Variants in CAST observed in about 807,000 individuals in gnomAD.
CAST encodes calpastatin.
Under a neutral mutation model 119.6 loss-of-function variants are expected in CAST, and 76 were observed. The observed-to-expected ratio is 0.64, with a 90% CI of 0.53 to 0.77. CAST has a LOEUF of 0.77. CAST is among the 30% of genes least tolerant of loss of function. The pLI is 0.00. For synonymous variants in CAST, 319 were observed against 331.6 expected (o/e 0.96, Z 0.41); for missense variants, 953 against 946.5 (o/e 1.01, Z -0.09).
chr5:96,752,889 A>G (rs1238458356), intron 20 of CAST, among the ~76,000 whole-genome samples: 1 of 151,334 alleles, frequency 6.6e-6, no homozygotes, highest in African/African-American at 2.4e-5. Context: ...TGATATTGCA[A>G]CCCCATCCCC....
At chr5:96,281,526 G>C in the CAST span, among the ~76,000 whole-genome samples, 6 of 152,066 alleles carry the variant, frequency 3.9e-5, no homozygotes, top group African/African-American at 1.5e-4. Context: ...CTCACATAAG[G>C]GTCTAGTTGT....
At chr5:96,033,478 G>A in the CAST span, among the ~76,000 whole-genome samples, 1 of 151,930 alleles carries the variant, frequency 6.6e-6, no homozygotes, top group Non-Finnish European at 1.5e-5. Flanking sequence ...TGGAATAGAA[G>A]GCCCCCAAGT....
the CAST span, among the ~76,000 whole-genome samples, chr5:96,037,954 A>G: frequency 6.6e-6 from 1 of 152,136 alleles, no homozygotes. Context: ...TCACATGACT[A>G]TCTTCAGATT....
the CAST span, among the ~76,000 whole-genome samples, chr5:96,320,052 G>A: frequency 2.6e-5 from 4 of 151,346 alleles, no homozygotes; most frequent in African/African-American, 4.8e-5. Flanking sequence ...GAGATCTGTT[G>A]AATCCCTGTG....
At chr5:96,499,375 T>C in the CAST span, among the ~76,000 whole-genome samples, 1 of 152,260 alleles carries the variant, frequency 6.6e-6, no homozygotes, top group African/African-American at 2.4e-5. Flanking sequence ...ATATTTGCAC[T>C]ATAGTGTAGT....
chr5:96,506,277 T>A, the CAST span, among the ~76,000 whole-genome samples: 23 of 152,224 alleles, frequency 1.5e-4, no homozygotes, highest in African/African-American at 4.8e-4. Context: ...CTTGGTTCAT[T>A]TGTTCAATCT....
intron 3 of CAST, among the ~76,000 whole-genome samples, chr5:96,716,539 G>GGGATGT (rs1757218033): frequency 6.6e-6 from 1 of 152,140 alleles, no homozygotes; most frequent in Non-Finnish European, 1.5e-5. Flanking sequence ...GATGGGGATG[G>GGGATGT]GTGGCAACTC....
chr5:96,072,044 G>A, the CAST span, among the ~76,000 whole-genome samples: 2 of 152,080 alleles, frequency 1.3e-5, no homozygotes, highest in South Asian at 4.2e-4. Context: ...GATTAGAAAA[G>A]AAAACTTAAA....
chr5:96,365,386 T>C, the CAST span, among the ~76,000 whole-genome samples: 1 of 152,178 alleles, frequency 6.6e-6, no homozygotes, highest in Non-Finnish European at 1.5e-5. Flanking sequence ...CCTTGTTAAC[T>C]TTCTGTCTCG....
the CAST span, among the ~76,000 whole-genome samples, chr5:96,244,476 A>C: frequency 6.6e-6 from 1 of 152,232 alleles, no homozygotes. Context: ...TTATGGAAAT[A>C]AATAGCTGTT....
the CAST span, among the ~76,000 whole-genome samples, chr5:96,494,679 A>G: frequency 4.6e-5 from 7 of 152,236 alleles, no homozygotes; most frequent in Non-Finnish European, 1.0e-4. Context: ...AAATGAACTA[A>G]GTCTGGCAAG....
intron 16 of CAST, chr5:96,743,569 G>C: frequency 6.3e-7 from 1 of 1,585,350 alleles, no homozygotes; most frequent in Non-Finnish European, 8.6e-7. Context: ...CATCAGGGAA[G>C]GGGAGTCTCC....
At chr5:96,051,200 G>A in the CAST span, among the ~76,000 whole-genome samples, 7 of 151,014 alleles carry the variant, frequency 4.6e-5, no homozygotes, top group African/African-American at 9.7e-5. Flanking sequence ...TCATTCAGGC[G>A]TGTGTGTGTG....
At chr5:96,601,554 A>C (rs1048644300) in intron 1 of CAST, among the ~76,000 whole-genome samples, 80 of 152,378 alleles carry the variant, frequency 5.3e-4, no homozygotes, top group African/African-American at 1.8e-3. Flanking sequence ...AAATTAGATT[A>C]TTAATCCAAA....
At chr5:96,600,396 G>A (rs1330913876) in intron 1 of CAST, among the ~76,000 whole-genome samples, 2 of 152,132 alleles carry the variant, frequency 1.3e-5, no homozygotes, top group Admixed American at 6.5e-5. Flanking sequence ...ACCCAGTAAG[G>A]GCACATTATA....
chr5:96,614,277 G>A (rs760897496), intron 1 of CAST, among the ~76,000 whole-genome samples: 6 of 152,166 alleles, frequency 3.9e-5, no homozygotes, highest in South Asian at 2.1e-4. Flanking sequence ...GCAAATGCCT[G>A]ACTCGTTAGG....
At chr5:96,082,504 T>A in the CAST span, among the ~76,000 whole-genome samples, 1 of 152,206 alleles carries the variant, frequency 6.6e-6, no homozygotes, top group African/African-American at 2.4e-5. Flanking sequence ...CAGGTGAAAA[T>A]GAAGATTTTT....
chr5:96,416,176 T>A, the CAST span: 129 of 1,196,166 alleles, frequency 1.1e-4, no homozygotes, highest in Non-Finnish European at 1.5e-4. Flanking sequence ...ACATTTGTTT[T>A]GCATATGAAT....
At chr5:96,424,174 G>A in the CAST span, among the ~76,000 whole-genome samples, 5 of 152,148 alleles carry the variant, frequency 3.3e-5, no homozygotes, top group South Asian at 2.1e-4. Context: ...CCAGGTACCC[G>A]GTGAAAGGGT....
Sources: allele counts gnomAD v4.1 joint callset (sites outside exome capture counted in the v4.1 genomes callset), GRCh38; gene constraint gnomAD v4.1.1; transcripts MANE v1.5; gene names NCBI Gene and HGNC (gene_info 2026-07-23, HGNC 2026-07-21).